Variants in EDIL3 observed in about 807,000 individuals in gnomAD.
EDIL3 encodes EGF-like repeat and discoidin I-like domain-containing protein 3.
EDIL3 carries 37 observed loss-of-function variants against 67.4 expected under a neutral mutation model. The ratio of observed to expected loss-of-function variants is 0.55; its 90% CI spans 0.42 to 0.72. The LOEUF (loss-of-function observed/expected upper bound fraction) is 0.72. EDIL3 is among the 30% of genes least tolerant of loss of function. The pLI is 0.00. For synonymous variants in EDIL3, 195 were observed against 196.3 expected (o/e 0.99, Z 0.05); for missense variants, 527 against 586.3 (o/e 0.90, Z 1.04).
intron 9 of EDIL3, among the ~76,000 whole-genome samples, chr5:83,965,594 T>TTATA (rs1744677234): frequency 2.0e-5 from 3 of 152,074 alleles, no homozygotes; most frequent in African/African-American, 7.2e-5. Context: ...CTATAAGTCC[T>TTATA]TAGCTAAGAT....
intron 2 of EDIL3, among the ~76,000 whole-genome samples, chr5:84,236,690 T>C (rs1056708083): frequency 5.3e-5 from 8 of 152,072 alleles, no homozygotes; most frequent in African/African-American, 1.9e-4. Flanking sequence ...TTGCACAGTG[T>C]ATATAATTGG....
At chr5:84,301,060 G>C (rs748877361) in intron 1 of EDIL3, among the ~76,000 whole-genome samples, 2 of 152,022 alleles carry the variant, frequency 1.3e-5, no homozygotes, top group Non-Finnish European at 2.9e-5. Context: ...ACCTGAGGTC[G>C]AGAGTTCAAG....
intron 9 of EDIL3, among the ~76,000 whole-genome samples, chr5:84,014,836 G>A (rs1319195299): frequency 6.6e-6 from 1 of 152,200 alleles, no homozygotes; most frequent in Non-Finnish European, 1.5e-5. Context: ...TTAAAGGGTA[G>A]TTGGCAGTGG....
chr5:84,244,500 G>A (rs984960976), intron 2 of EDIL3, among the ~76,000 whole-genome samples: 1 of 151,506 alleles, frequency 6.6e-6, no homozygotes, highest in Non-Finnish European at 1.5e-5. Flanking sequence ...TGTTGGCCAG[G>A]CTGGTCTTAA....
Position 84,117,652 on chromosome 5 carries a change from G to GA in EDIL3, c.470-10823dup, listed in dbSNP as rs568992977. Among the ~76,000 whole-genome samples the GA allele has an allele frequency of 4.0e-3, 511 of 128,710 alleles. 1 individual carries two copies. The highest frequency in any genetic ancestry group is 8.5e-3 in the African/African-American group (297 of 35,016). The allele number at this position is 128,710 out of a possible 152,430, so 84.4% of individuals were successfully genotyped here. On this transcript the variant is annotated intron_variant, in intron 5 of 10. Transcript: ENST00000296591. ...TGTCCATTATGAAGTAGTAAATTTT[G>GA]AAAAAAAAAAAGCCCATAATAGAAT... is the stretch of plus-strand genomic sequence containing the variant.
chr5:84,113,472 C>G (rs968105086), intron 5 of EDIL3, among the ~76,000 whole-genome samples: 2 of 152,150 alleles, frequency 1.3e-5, no homozygotes, highest in African/African-American at 2.4e-5. Flanking sequence ...GCAGGAGCAG[C>G]TGGGCTAGCT....
intron 2 of EDIL3, among the ~76,000 whole-genome samples, chr5:84,240,877 T>TA (rs1373718932): frequency 6.6e-6 from 1 of 152,224 alleles, no homozygotes; most frequent in Admixed American, 6.5e-5. Flanking sequence ...AAACACCTTA[T>TA]AAACTGAGCA....
At chr5:84,189,167 G>A (rs1449707622) in intron 3 of EDIL3, among the ~76,000 whole-genome samples, 1 of 151,974 alleles carries the variant, frequency 6.6e-6, no homozygotes, top group East Asian at 1.9e-4. Context: ...AGTAGTGGTG[G>A]ATAAGCTTTG....
intron 9 of EDIL3, among the ~76,000 whole-genome samples, chr5:83,998,876 AGTG>A (rs1441821066): frequency 6.6e-6 from 1 of 152,168 alleles, no homozygotes; most frequent in Non-Finnish European, 1.5e-5. Context: ...GCACTGTCCC[AGTG>A]GTGGTTATGG....
At chr5:83,976,335 CT>C (rs1235011593) in intron 9 of EDIL3, among the ~76,000 whole-genome samples, 1 of 151,746 alleles carries the variant, frequency 6.6e-6, no homozygotes, top group East Asian at 1.9e-4. Flanking sequence ...TGAAATAACA[CT>C]TTTTTTCTGG....
chr5:84,380,593 A>T (rs1204887126), intron 1 of EDIL3, among the ~76,000 whole-genome samples: 1 of 152,146 alleles, frequency 6.6e-6, no homozygotes, highest in African/African-American at 2.4e-5. Context: ...TGCAGTAAAC[A>T]ACAAATATCA....
rs946521169 is a variant in EDIL3 at position 84,229,941 on chromosome 5, G to C, written c.197-57C>G. 9 of 1,422,200 alleles carry C rather than the reference G, an allele frequency of 6.3e-6. No individual in the cohort carries two copies. In the Admixed American group the frequency reaches 1.5e-4, roughly 23 times the overall value. The allele number at this position is 1,422,200 out of a possible 1,614,324, so 88.1% of individuals were successfully genotyped here. On this transcript the variant is annotated intron_variant, in intron 2 of 10. Coordinates refer to ENST00000296591, the MANE Select transcript of EDIL3 (RefSeq NM_005711.5). Reference sequence around the variant, plus strand: ...GGGGTAGAAGTGAAGGGAGGGAGAAGGGGGGAGAGAGAAAGAAAGAGAAAA... The same window carrying C: ...GGGGTAGAAGTGAAGGGAGGGAGAACGGGGGAGAGAGAAAGAAAGAGAAAA...
chr5:83,995,705 T>C (rs993040709), intron 9 of EDIL3, among the ~76,000 whole-genome samples: 3 of 152,170 alleles, frequency 2.0e-5, no homozygotes, highest in South Asian at 2.1e-4. Context: ...TGGATATATC[T>C]CAATTTCTGC....
intron 9 of EDIL3, among the ~76,000 whole-genome samples, chr5:83,984,120 G>T (rs1177058879): frequency 2.0e-5 from 3 of 152,006 alleles, no homozygotes; most frequent in Admixed American, 6.6e-5. Flanking sequence ...TGGGAAACAG[G>T]AAGTTAAGAA....
At position 84,218,109 on chromosome 5, in the gene EDIL3, C is replaced by T. The variant is rs547068276; in HGVS notation, c.226+11746G>A. On this transcript the variant is annotated intron_variant, in intron 3 of 10. Coordinates refer to ENST00000296591, the MANE Select transcript of EDIL3 (RefSeq NM_005711.5). ...AAGTTTTAAAAAGTTGAATTTCTAACGCTGTAGCAACATATAAACAAATAT... is the reference window on the plus strand; with the variant it reads ...AAGTTTTAAAAAGTTGAATTTCTAATGCTGTAGCAACATATAAACAAATAT... Among the ~76,000 whole-genome samples, 79 of 152,242 alleles carry T rather than the reference C, an allele frequency of 5.2e-4. 1 individual carries two copies. The highest frequency in any genetic ancestry group is 8.3e-4 in the South Asian group (4 of 4,828).
At chr5:84,060,204 A>C in intron 9 of EDIL3, 96 bp downstream of exon 9, 1 of 1,384,010 alleles carries the variant, frequency 7.2e-7, no homozygotes, top group South Asian at 1.4e-5. Context: ...CATTTAAATT[A>C]GCGTGAAGGT....
At chr5:84,272,968 C>T (rs1308267821) in intron 1 of EDIL3, among the ~76,000 whole-genome samples, 1 of 152,000 alleles carries the variant, frequency 6.6e-6, no homozygotes, top group African/African-American at 2.4e-5. Context: ...AATGTATTGA[C>T]TTGGGAGTGG....
intron 3 of EDIL3, among the ~76,000 whole-genome samples, chr5:84,191,043 T>C (rs1743574985): frequency 2.0e-5 from 3 of 152,052 alleles, no homozygotes; most frequent in African/African-American, 4.8e-5. Flanking sequence ...AGATTGGATA[T>C]AAATATCAGT....
chr5:84,203,997 C>T (rs1392892704), intron 3 of EDIL3, among the ~76,000 whole-genome samples: 1 of 152,082 alleles, frequency 6.6e-6, no homozygotes, highest in Admixed American at 6.6e-5. Context: ...TTTTGATTTA[C>T]CTGTTTGTCC....
Sources: gnomAD v4.1 joint callset for allele counts (sites outside exome capture counted in the v4.1 genomes callset) on GRCh38, gnomAD v4.1.1 for gene constraint, MANE v1.5 for transcripts, NCBI Gene and HGNC (gene_info 2026-07-23, HGNC 2026-07-21) for gene names.